The following ULK4 variants were observed in gnomAD, a reference collection of about 807,000 sequenced individuals.
ULK4 encodes the protein inactive serine/threonine-protein kinase ULK4.
ULK4 carries 133 observed loss-of-function variants against 160.6 expected under a neutral mutation model. The ratio of observed to expected loss-of-function variants is 0.83; its 90% CI spans 0.72 to 0.96. ULK4 has a LOEUF of 0.96. Among genes scored for constraint, ULK4 ranks in the 40% least tolerant of loss-of-function variants. The pLI, the probability that ULK4 is intolerant of heterozygous loss-of-function variation, is 0.00. For missense variants in ULK4, 1,580 were observed against 1,499.5 expected (o/e 1.05, Z -0.89); for synonymous variants, 534 against 539.8 (o/e 0.99, Z 0.15).
chr3:41,757,055 A>C (rs1432955529), intron 21 of ULK4, among the ~76,000 whole-genome samples: 1 of 151,548 alleles, frequency 6.6e-6, no homozygotes, highest in Non-Finnish European at 1.5e-5. Flanking sequence ...AAAAAACCAC[A>C]TAAACTAGAG....
intron 32 of ULK4, among the ~76,000 whole-genome samples, chr3:41,523,301 G>A (rs9311280): frequency 0.31 from 47,379 of 151,986 alleles, 7,612 homozygotes; most frequent in Non-Finnish European, 0.33. Flanking sequence ...TACATGGAGA[G>A]AAGGAAGACA....
chr3:41,848,642 G>C (rs1461763552), intron 17 of ULK4, among the ~76,000 whole-genome samples: 1 of 152,204 alleles, frequency 6.6e-6, no homozygotes. Context: ...TCTGGACATA[G>C]AGTGAAGGAA....
At chr3:41,292,168 A>C (rs1024237037) in intron 35 of ULK4, among the ~76,000 whole-genome samples, 1 of 152,170 alleles carries the variant, frequency 6.6e-6, no homozygotes, top group Admixed American at 6.5e-5. Flanking sequence ...TTATTTATCA[A>C]AAAGTTTACA....
rs1418144564 is a variant in ULK4 at position 41,504,226 on chromosome 3, C to G, written c.3227-40973G>C. ...ACCTTGCTTACAACAACACTCATCT[C>G]ACATGTCCTATCTGCTAACTGTTTG... On this transcript the variant is annotated intron_variant, in intron 32 of 36. Coordinates refer to ENST00000301831, the MANE Select transcript of ULK4 (RefSeq NM_017886.4). Among the ~76,000 whole-genome samples the G allele has an allele frequency of 2.0e-5, 3 of 152,120 alleles. No homozygotes were observed. The East Asian group carries it at 5.8e-4, about 29-fold the overall frequency.
At chr3:41,643,525 G>A (rs529160040) in intron 30 of ULK4, among the ~76,000 whole-genome samples, 3 of 152,232 alleles carry the variant, frequency 2.0e-5, no homozygotes, top group Admixed American at 2.0e-4. Context: ...TATTTCTGAG[G>A]GCTCTGTTCT....
intron 32 of ULK4, among the ~76,000 whole-genome samples, chr3:41,497,590 G>C (rs983000111): frequency 6.6e-6 from 1 of 152,022 alleles, no homozygotes; most frequent in Non-Finnish European, 1.5e-5. Context: ...CCACACCTAG[G>C]CAAGTTAAAA....
At chr3:41,952,181 T>C (rs912902374) in intron 2 of ULK4, among the ~76,000 whole-genome samples, 5 of 151,100 alleles carry the variant, frequency 3.3e-5, no homozygotes, top group Non-Finnish European at 7.4e-5. Flanking sequence ...AAGACACAGA[T>C]AACAAAAAAA....
chr3:41,883,868 C>T lies in ULK4; in HGVS notation c.1656+6G>A, dbSNP rs752137676. On this transcript the variant is annotated splice_donor_region_variant and intron_variant, in intron 17 of 36. Transcript: ENST00000301831. ...TTCATCACATTTAAGTAATAAAAGA[C>T]ATTACCTCAACAACAGGTGTATTTT... The T allele has an allele frequency of 1.0e-5, 16 of 1,596,698 alleles. No individual in the cohort carries two copies. The highest frequency in any genetic ancestry group is 3.3e-5 in the Admixed American group (2 of 59,956).
At chr3:41,378,645 C>T (rs7643624) in intron 35 of ULK4, among the ~76,000 whole-genome samples, 51 of 149,884 alleles carry the variant, frequency 3.4e-4, no homozygotes, top group African/African-American at 8.9e-4. Flanking sequence ...GGTAGGGGAG[C>T]GGGGAGGGAT....
At chr3:41,787,935 G>C (rs953792841) in intron 21 of ULK4, among the ~76,000 whole-genome samples, 1 of 152,116 alleles carries the variant, frequency 6.6e-6, no homozygotes, top group African/African-American at 2.4e-5. Flanking sequence ...CCATGCCTGT[G>C]CTGAAGGTAA....
intron 30 of ULK4, among the ~76,000 whole-genome samples, chr3:41,659,418 G>A (rs768998864): frequency 3.9e-5 from 6 of 152,146 alleles, no homozygotes; most frequent in South Asian, 2.1e-4. Flanking sequence ...CCAGACCAAC[G>A]AACTATTGGC....
At chr3:41,487,932 G>A (rs1031340959) in intron 32 of ULK4, among the ~76,000 whole-genome samples, 2 of 151,868 alleles carry the variant, frequency 1.3e-5, no homozygotes, top group African/African-American at 2.4e-5. Context: ...AAATACCCCA[G>A]TTACCCATGA....
At chr3:41,725,037 T>C (rs1013866104) in intron 22 of ULK4, among the ~76,000 whole-genome samples, 18 of 152,222 alleles carry the variant, frequency 1.2e-4, no homozygotes, top group Non-Finnish European at 4.4e-5. Context: ...ATATGTTGAT[T>C]ATGAATGTCT....
Position 41,506,767 on chromosome 3 carries a change from A to AAAAAAAAAAAAAAAAT in ULK4, c.3227-43515_3227-43514insATTTTTTTTTTTTTTT. The stretch of plus-strand genomic sequence containing the variant: ...AGCAATACACTGGAGTGTGATTTAA[A>AAAAAAAAAAAAAAAAT]ATATATATATATATATATATATATA... On this transcript the variant is annotated intron_variant, in intron 32 of 36. Transcript: ENST00000301831. Among the ~76,000 whole-genome samples the AAAAAAAAAAAAAAAAT allele has an allele frequency of 1.4e-3, 79 of 56,792 alleles. 10 individuals are homozygous for AAAAAAAAAAAAAAAAT. Among genetic ancestry groups the AAAAAAAAAAAAAAAAT allele is most frequent in the Non-Finnish European group, 1.9e-3 (60 of 31,984 alleles). 37.3% of individuals were successfully genotyped at this position (56,792 alleles called of 152,430 possible). A position where few individuals can be genotyped will look rare whatever the true frequency, so the allele number is the denominator to read the frequency against.
At chr3:41,728,620 C>G (rs1053931322) in intron 22 of ULK4, among the ~76,000 whole-genome samples, 1 of 151,986 alleles carries the variant, frequency 6.6e-6, no homozygotes, top group East Asian at 1.9e-4. Context: ...AGGACTGAGT[C>G]ATGGAACTAC....
chr3:41,320,105 G>C (rs2080219569), intron 35 of ULK4, among the ~76,000 whole-genome samples: 1 of 152,114 alleles, frequency 6.6e-6, no homozygotes, highest in South Asian at 2.1e-4. Context: ...TCTGCTGCTT[G>C]AATTCTGATT....
At chr3:41,346,594 G>A (rs1369698728) in intron 35 of ULK4, among the ~76,000 whole-genome samples, 1 of 152,146 alleles carries the variant, frequency 6.6e-6, no homozygotes, top group Non-Finnish European at 1.5e-5. Context: ...AAGGGGTATG[G>A]AGAAAGAATT....
rs2125604136 is a variant in ULK4 at position 41,800,186 on chromosome 3, C to T, written c.1956G>A (p.Leu652=). 6.2e-7 allele frequency: 1 copy of T among 1,613,796 alleles called. No homozygotes were observed. The highest frequency in any genetic ancestry group is 1.3e-5 in the African/African-American group (1 of 75,006). The stretch of plus-strand genomic sequence containing the variant: ...CAGTGGAGTGTCTGAATAGGTACCA[C>T]AAAATGGGTCCTATTTCTCCTGTAA... The part of the protein sequence containing the change: ...GFITGEIGPI[L]WYLFRHSTAD... The change falls in exon 20 of 37, where the codon TTG becomes TTA. Residue 652 remains leucine (L), a synonymous_variant. Coordinates refer to ENST00000301831, the MANE Select transcript of ULK4 (RefSeq NM_017886.4).
chr3:41,348,529 G>A (rs1264475626), intron 35 of ULK4, among the ~76,000 whole-genome samples: 1 of 152,180 alleles, frequency 6.6e-6, no homozygotes, highest in Non-Finnish European at 1.5e-5. Context: ...AGTGAGCTCA[G>A]AGAGGCCCAA....
Sources: allele counts gnomAD v4.1 joint callset (sites outside exome capture counted in the v4.1 genomes callset), GRCh38; gene constraint gnomAD v4.1.1; transcripts MANE v1.5; gene names NCBI Gene and HGNC (gene_info 2026-07-23, HGNC 2026-07-21).